Variants in ME1 observed in about 807,000 individuals in gnomAD.
ME1 encodes the protein malic enzyme 1.
ME1 carries 74 observed loss-of-function variants against 66.4 expected under a neutral mutation model. The observed-to-expected ratio is 1.11, with a 90% CI of 0.92 to 1.35. The LOEUF (loss-of-function observed/expected upper bound fraction) is 1.35, where lower values mean the gene tolerates loss of function less well. ME1 is among the 40% of genes most tolerant of loss of function. The pLI, the probability that ME1 is intolerant of heterozygous loss-of-function variation, is 0.00. For synonymous variants in ME1, 251 were observed against 235.6 expected (o/e 1.07, Z -0.60); for missense variants, 750 against 694.1 (o/e 1.08, Z -0.90).
At position 83,253,667 on chromosome 6, in the gene ME1, T is replaced by C; in HGVS notation, c.776A>G (p.Tyr259Cys). ...NVNAFRLLNK[Y>C]RNQYCTFNDD... is the part of the protein sequence containing the mutation. ...ATTGAATGTGCAATACTGGTTTCGA[T>C]ACTTGTTCAGGAGACGAAATGCATT... is the stretch of plus-strand genomic sequence containing the variant. Residue 259 changes from tyrosine (Y) to cysteine (C), a missense_variant, in exon 7 of 14, where the codon TAT becomes TGT. By Grantham distance (194) the Tyr-to-Cys change is radical. Coordinates refer to ENST00000369705, the MANE Select transcript of ME1 (RefSeq NM_002395.6). 6.2e-7 allele frequency: 1 copy of C among 1,611,974 alleles called. No homozygotes were observed. The highest frequency in any genetic ancestry group is 8.5e-7 in the Non-Finnish European group (1 of 1,178,466).
chr6:83,424,231 A>G lies in ME1; in HGVS notation c.78+6646T>C, dbSNP rs140416427. On this transcript the variant is annotated intron_variant, in intron 1 of 13. Transcript: ENST00000369705. ...AATAGAGGAAGGTAATGAGATCTAT[A>G]TAATGGTAAGATCTCTATATTTCAA... Among the ~76,000 whole-genome samples the G allele has an allele frequency of 5.1e-3, 770 of 152,310 alleles. 19 individuals are homozygous for G. Among genetic ancestry groups the G allele is most frequent in the Admixed American group, 0.045 (687 of 15,286 alleles).
At chr6:83,326,265 T>C (rs1003613394) in intron 5 of ME1, among the ~76,000 whole-genome samples, 26 of 152,126 alleles carry the variant, frequency 1.7e-4, no homozygotes, top group Non-Finnish European at 7.3e-5. Flanking sequence ...GATTTAAACA[T>C]AACACCTAAA....
intron 4 of ME1, among the ~76,000 whole-genome samples, chr6:83,350,712 G>C (rs993618117): frequency 1.1e-4 from 16 of 151,964 alleles, no homozygotes; most frequent in African/African-American, 3.9e-4. Flanking sequence ...TCAAACTCCT[G>C]AGCTCAAGCA....
intron 12 of ME1, among the ~76,000 whole-genome samples, chr6:83,219,032 A>G (rs1790040807): frequency 6.6e-6 from 1 of 152,232 alleles, no homozygotes; most frequent in African/African-American, 2.4e-5. Flanking sequence ...TTAAAAGAAT[A>G]TTAAAAGAAT....
intron 5 of ME1, among the ~76,000 whole-genome samples, chr6:83,341,095 C>T (rs6454320): frequency 0.32 from 48,731 of 151,772 alleles, 8,201 homozygotes; most frequent in Middle Eastern, 0.5. Flanking sequence ...CATACAGTAT[C>T]GGTCAACCTG....
At chr6:83,353,042 C>G (rs1374414496) in intron 3 of ME1, among the ~76,000 whole-genome samples, 1 of 152,106 alleles carries the variant, frequency 6.6e-6, no homozygotes, top group Non-Finnish European at 1.5e-5. Context: ...TATTTTATCA[C>G]CAAATCATAA....
At chr6:83,354,333 C>T (rs1181719662) in intron 3 of ME1, among the ~76,000 whole-genome samples, 3 of 152,080 alleles carry the variant, frequency 2.0e-5, no homozygotes, top group South Asian at 2.1e-4. Context: ...GGTTTCACCA[C>T]GTTGGCCAGG....
intron 3 of ME1, among the ~76,000 whole-genome samples, chr6:83,375,649 A>G (rs1769273923): frequency 6.6e-6 from 1 of 152,188 alleles, no homozygotes; most frequent in African/African-American, 2.4e-5. Context: ...GAGTGGTTAC[A>G]GTGGGCATCC....
intron 7 of ME1, among the ~76,000 whole-genome samples, chr6:83,243,499 T>TATAATCTATTATAATTATATTATATC (rs1790548058): frequency 3.1e-5 from 4 of 129,124 alleles, no homozygotes; most frequent in African/African-American, 1.2e-4. Context: ...TATGTTATAT[T>TATAATCTATTATAATTATATTATATC]GATATAATCT....
At position 83,250,922 on chromosome 6, in the gene ME1, C is replaced by T. The variant is rs912963921; in HGVS notation, c.814+2707G>A. Among the ~76,000 whole-genome samples, 4 of 152,196 alleles carry T rather than the reference C, an allele frequency of 2.6e-5. No homozygotes were observed. The East Asian group carries it at 7.7e-4, about 29-fold the overall frequency. ...CCCAGACTTAATTCTGCTATTATGG[C>T]ATGAAAGCCACTGTAAACAATATAT... is the stretch of plus-strand genomic sequence containing the variant. On this transcript the variant is annotated intron_variant, in intron 7 of 13. Coordinates refer to ENST00000369705, the MANE Select transcript of ME1 (RefSeq NM_002395.6).
At chr6:83,239,692 C>A in intron 7 of ME1, 56 bp from the exon 8 acceptor site, 1 of 1,258,464 alleles carries the variant, frequency 7.9e-7, no homozygotes, top group South Asian at 1.2e-5. Flanking sequence ...TGCCAATTTT[C>A]AAGCTTTTAT....
At chr6:83,359,260 C>A (rs1321158340) in intron 3 of ME1, among the ~76,000 whole-genome samples, 1 of 152,228 alleles carries the variant, frequency 6.6e-6, no homozygotes, top group Non-Finnish European at 1.5e-5. Context: ...ACCCCCAACA[C>A]CTCTGTTTGC....
chr6:83,229,230 C>T (rs1239671577), intron 9 of ME1: 10 of 456,892 alleles, frequency 2.2e-5, no homozygotes, highest in African/African-American at 1.8e-4. Flanking sequence ...TAACAAATGG[C>T]CATGCAAAAT....
chr6:83,353,434 G>A (rs117243957), intron 3 of ME1, among the ~76,000 whole-genome samples: 1 of 152,032 alleles, frequency 6.6e-6, no homozygotes, highest in Admixed American at 6.6e-5. Flanking sequence ...TACTATTTGG[G>A]TATCCAAGGA....
chr6:83,296,779 G>A (rs1023702795), intron 6 of ME1, among the ~76,000 whole-genome samples: 6 of 152,314 alleles, frequency 3.9e-5, no homozygotes, highest in African/African-American at 1.4e-4. Flanking sequence ...CATTTTCTCA[G>A]TCCAAAAGCT....
At chr6:83,223,068 C>T (rs1193881236) in intron 12 of ME1, among the ~76,000 whole-genome samples, 1 of 152,212 alleles carries the variant, frequency 6.6e-6, no homozygotes, top group Admixed American at 6.5e-5. Flanking sequence ...CAGACTTTCA[C>T]TTTAAACCTT....
chr6:83,350,614 A>G (rs1222119365), intron 4 of ME1, among the ~76,000 whole-genome samples: 1 of 151,914 alleles, frequency 6.6e-6, no homozygotes, highest in Non-Finnish European at 1.5e-5. Context: ...CATGCCAAGT[A>G]GCTGGGACTA....
chr6:83,221,042 C>T (rs1049150584), intron 12 of ME1, among the ~76,000 whole-genome samples: 3 of 152,014 alleles, frequency 2.0e-5, no homozygotes, highest in Non-Finnish European at 2.9e-5. Flanking sequence ...TGCCTGTAAT[C>T]CCAGATACTT....
chr6:83,294,482 C>T (rs1240140686), intron 6 of ME1, among the ~76,000 whole-genome samples: 2 of 152,114 alleles, frequency 1.3e-5, no homozygotes, highest in African/African-American at 2.4e-5. Context: ...GGTGAGCCCT[C>T]GATCCCCTGC....
Sources: gnomAD v4.1 joint callset for allele counts (sites outside exome capture counted in the v4.1 genomes callset) on GRCh38, gnomAD v4.1.1 for gene constraint, MANE v1.5 for transcripts, NCBI Gene and HGNC (gene_info 2026-07-23, HGNC 2026-07-21) for gene names.